The following ADGRA1 variants were observed in gnomAD, a reference collection of about 807,000 sequenced individuals.
ADGRA1 encodes adhesion G protein-coupled receptor A1.
A neutral mutation model predicts 21.3 loss-of-function variants in ADGRA1; 12 were observed. The ratio of observed to expected loss-of-function variants is 0.56; its 90% CI spans 0.36 to 0.91. ADGRA1 has a LOEUF of 0.91. ADGRA1 is among the 40% of genes least tolerant of loss of function. The probability of loss-of-function intolerance (pLI) is 0.01; values close to 1 mark genes in which losing one functional copy is unlikely to be tolerated. For missense variants in ADGRA1, 790 were observed against 805.6 expected, an observed-to-expected ratio of 0.98 and a Z score of 0.23; for synonymous variants, 385 against 368.8, an observed-to-expected ratio of 1.04 and a Z score of -0.50.
chr10:133,093,191 T>G, intron 2 of ADGRA1: 1 of 1,594,654 alleles, frequency 6.3e-7, no homozygotes, highest in Non-Finnish European at 8.5e-7. Context: ...GGAGGAAGAT[T>G]CCTTCAGGCA....
At chr10:133,108,650 G>A (rs1319134130) in intron 5 of ADGRA1, among the ~76,000 whole-genome samples, 1 of 152,110 alleles carries the variant, frequency 6.6e-6, no homozygotes, top group Non-Finnish European at 1.5e-5. Flanking sequence ...AGACTCTGTT[G>A]CAAGACTCTG....
At chr10:133,089,053 G>T in intron 2 of ADGRA1, 141 bp downstream of exon 2, 1 of 1,232,704 alleles carries the variant, frequency 8.1e-7, no homozygotes. Flanking sequence ...GTGCCGGGGT[G>T]GGAGGCTCTG....
At chr10:133,102,160 G>C (rs1009990618) in intron 4 of ADGRA1, 1 of 449,976 alleles carries the variant, frequency 2.2e-6, no homozygotes, top group East Asian at 7.0e-5. Flanking sequence ...CACGAATGCC[G>C]GCCCCGTGGG....
rs116120203 is a variant in ADGRA1 at position 133,115,254 on chromosome 10, C to T, written c.402-11979C>T. Among the ~76,000 whole-genome samples, 712 of 152,300 alleles carry T rather than the reference C, an allele frequency of 4.7e-3. 9 individuals carry two copies. The highest frequency in any genetic ancestry group is 0.016 in the African/African-American group (649 of 41,580). The stretch of plus-strand genomic sequence containing the variant: ...GCCCTCCTCACCCCTCGGCCTTCCC[C>T]TAGGCAGGGGTGGCGCAGGCTGGGG... On this transcript the variant is annotated intron_variant, in intron 5 of 6. Transcript: ENST00000392607.
chr10:133,091,562 T>C (rs949156991), intron 2 of ADGRA1, among the ~76,000 whole-genome samples: 1 of 152,246 alleles, frequency 6.6e-6, no homozygotes, highest in African/African-American at 2.4e-5. Context: ...ATCTGTGAGC[T>C]GCCAGCTTTC....
At chr10:133,095,765 C>T (rs376838943) in intron 2 of ADGRA1, 153 of 1,598,572 alleles carry the variant, frequency 9.6e-5, no homozygotes, top group Non-Finnish European at 1.3e-4. Context: ...CGCTGGCTGC[C>T]TGCATCCCGA....
In ADGRA1 at chr10:133,105,842, GC is replaced by G. The variant is rs57413516; in HGVS notation, c.401+3003del. ...CAGCGAGAAGCCAGCAGCCTCTGCG[GC>G]CCGAACGTTCCAGCTGCAGGGGCCA... On this transcript the variant is annotated intron_variant, in intron 5 of 6. Transcript: ENST00000392607. Among the ~76,000 whole-genome samples, 129 of 152,366 alleles carry G rather than the reference GC, an allele frequency of 8.5e-4. No individual in the cohort carries two copies. The South Asian group carries it at 0.013, about 16-fold the overall frequency.
At position 133,129,173 on chromosome 10, in the gene ADGRA1, C is replaced by T. The variant is rs1183242981; in HGVS notation, c.1345C>T (p.Arg449Cys). 1.2e-5 allele frequency: 18 copies of T among 1,550,882 alleles called. No individual in the cohort carries two copies. The Admixed American group carries it at 1.2e-4, about 10-fold the overall frequency. Reference sequence around the variant, plus strand: ...CCCATCCAGCCTGGATGGCAGCCCCCGCAGCTCGCGCACAGACAGCCCCCC... The same window carrying T: ...CCCATCCAGCCTGGATGGCAGCCCCTGCAGCTCGCGCACAGACAGCCCCCC... ...HIPSSLDGSP[R>C]SSRTDSPPSS... The change falls in exon 7 of 7, where the codon CGC becomes TGC. Residue 449 changes from arginine to cysteine, a missense_variant. Transcript: ENST00000392607.
chr10:133,106,234 C>T (rs764989196), intron 5 of ADGRA1, among the ~76,000 whole-genome samples: 26 of 152,178 alleles, frequency 1.7e-4, no homozygotes, highest in Admixed American at 2.6e-4. Flanking sequence ...ATCTGGGGGG[C>T]GCCGGAGCCC....
At chr10:133,127,627 G>A (rs903472401) in intron 6 of ADGRA1, among the ~76,000 whole-genome samples, 2 of 152,124 alleles carry the variant, frequency 1.3e-5, no homozygotes, top group Non-Finnish European at 2.9e-5. Flanking sequence ...ACAGAGCTCA[G>A]CTGAGAAGGG....
At chr10:133,095,931 T>TGGA (rs1276187827) in intron 2 of ADGRA1, among the ~76,000 whole-genome samples, 3 of 152,148 alleles carry the variant, frequency 2.0e-5, no homozygotes, top group African/African-American at 7.2e-5. Context: ...TCAGAGTGGC[T>TGGA]GGAGCCTGGC....
In ADGRA1 at chr10:133,122,790, C is replaced by T. The variant is rs71484060; in HGVS notation, c.402-4443C>T. 2.0e-3 allele frequency among the ~76,000 whole-genome samples: 301 copies of T among 152,232 alleles called. 1 individual carries two copies. The highest frequency in any genetic ancestry group is 3.6e-3 in the Non-Finnish European group (248 of 68,012). On this transcript the variant is annotated intron_variant, in intron 5 of 6. Coordinates refer to ENST00000392607, the MANE Select transcript of ADGRA1 (RefSeq NM_001083909.3). Reference sequence around the variant, plus strand: ...CCTGGGGCCTCCTTGTCTTTCCTCCCGGTTCACCAGCCAGGCACACGCATC... The same window carrying T: ...CCTGGGGCCTCCTTGTCTTTCCTCCTGGTTCACCAGCCAGGCACACGCATC...
rs181806594 is a variant in ADGRA1 at position 133,112,916 on chromosome 10, T to C, written c.401+10074T>C. 2.8e-3 allele frequency among the ~76,000 whole-genome samples: 386 copies of C among 139,932 alleles called. 10 individuals are homozygous for C. The highest frequency in any genetic ancestry group is 4.5e-3 in the Non-Finnish European group (294 of 64,754). The allele number at this position is 139,932 out of a possible 152,430, so 91.8% of individuals were successfully genotyped here. On this transcript the variant is annotated intron_variant, in intron 5 of 6. Coordinates refer to ENST00000392607, the MANE Select transcript of ADGRA1 (RefSeq NM_001083909.3). ...CGTCAGTTCGGTTATTTGGGGTCTG[T>C]AAGCTGTGTCGGTTATTTGAGGTCT...
chr10:133,102,803 A>T lies in ADGRA1; in HGVS notation c.362A>T (p.Asp121Val). The change falls in exon 5 of 7, where the codon GAC becomes GTC. Residue 121 changes from aspartate to valine, a missense_variant. By Grantham distance (152) the Asp-to-Val change is radical. Around this residue, in one of 3 missense-constraint regions of ADGRA1, gnomAD observed 382 missense variants for 415.6 expected, o/e 0.92. Transcript: ENST00000392607. The part of the protein sequence containing the change: ...QVTKKAPLCL[D>V]TDQPPYPRQP... ...ACCAAGAAGGCCCCTCTGTGCCTGG[A>T]CACAGACCAGCCACCGTACCCCAGG... 1 of 1,612,728 alleles carries T rather than the reference A, an allele frequency of 6.2e-7. No homozygotes were observed. The highest frequency in any genetic ancestry group is 1.1e-5 in the South Asian group (1 of 91,080).
chr10:133,121,406 G>A (rs9419116), intron 5 of ADGRA1, among the ~76,000 whole-genome samples: 29,118 of 150,508 alleles, frequency 0.19, 3,494 homozygotes, highest in East Asian at 0.56. Flanking sequence ...GTCAGTGTGC[G>A]TGTGTGCATG....
At chr10:133,099,547 C>A (rs750860227) in intron 4 of ADGRA1, among the ~76,000 whole-genome samples, 12 of 152,134 alleles carry the variant, frequency 7.9e-5, no homozygotes, top group Non-Finnish European at 1.5e-4. Flanking sequence ...CCCAGCCTGA[C>A]CTTGGTTTAA....
In ADGRA1 at chr10:133,097,027, C is replaced by G. The variant is rs138436858; in HGVS notation, c.57C>G (p.Pro19=). The change falls in exon 3 of 7, where the codon CCC becomes CCG. Residue 19 remains proline, a synonymous_variant. Coordinates refer to ENST00000392607, the MANE Select transcript of ADGRA1 (RefSeq NM_001083909.3). ...GCTACCCAGGGGAGTTCCTGCACCC[C>G]GTGGTGTACGCGTGCACGGCCGTCA... ...LPRYPGEFLH[P]VVYACTAVML... The G allele has an allele frequency of 1.9e-6, 3 of 1,612,726 alleles. No homozygotes were observed. The highest frequency in any genetic ancestry group is 1.1e-5 in the South Asian group (1 of 91,080).
At chr10:133,109,394 T>A (rs1851947532) in intron 5 of ADGRA1, among the ~76,000 whole-genome samples, 1 of 151,978 alleles carries the variant, frequency 6.6e-6, no homozygotes, top group Admixed American at 6.6e-5. Flanking sequence ...CCTGGATACT[T>A]TTTCTCCCCA....
At chr10:133,120,369 C>T (rs1336595754) in intron 5 of ADGRA1, among the ~76,000 whole-genome samples, 7 of 152,180 alleles carry the variant, frequency 4.6e-5, no homozygotes, top group African/African-American at 7.2e-5. Flanking sequence ...CATGCCACTG[C>T]ACTCCAGCCT....
Sources: allele counts gnomAD v4.1 joint callset (sites outside exome capture counted in the v4.1 genomes callset), GRCh38; gene constraint gnomAD v4.1.1; regional missense constraint gnomAD v4.1.1; transcripts MANE v1.5; gene names NCBI Gene and HGNC (gene_info 2026-07-23, HGNC 2026-07-21).